Variants in USP12 observed in about 807,000 individuals in gnomAD.
USP12 encodes ubiquitin carboxyl-terminal hydrolase 12.
Under a neutral mutation model 45.5 loss-of-function variants are expected in USP12, and 19 were observed. The observed-to-expected ratio is 0.42, with a 90% CI of 0.29 to 0.61. USP12 has a LOEUF of 0.61. Ranked by LOEUF, USP12 falls within the 20% of genes least tolerant of loss-of-function variation. The probability of loss-of-function intolerance (pLI) is 0.22; values close to 1 mark genes in which losing one functional copy is unlikely to be tolerated. For missense variants in USP12, 242 were observed against 447.7 expected (o/e 0.54, Z 4.15); for synonymous variants, 149 against 148.8 (o/e 1.00, Z -0.01).
At chr13:27,111,749 T>C (rs1182217597) in intron 2 of USP12, among the ~76,000 whole-genome samples, 2 of 152,198 alleles carry the variant, frequency 1.3e-5, no homozygotes, top group African/African-American at 4.8e-5. Flanking sequence ...ATTTTAGATG[T>C]TTGTCTTATT....
intron 6 of USP12, among the ~76,000 whole-genome samples, chr13:27,088,981 C>A (rs1268551881): frequency 6.6e-6 from 1 of 151,976 alleles, no homozygotes; most frequent in Non-Finnish European, 1.5e-5. Flanking sequence ...AGATACATAA[C>A]CTGAATCTAA....
At chr13:27,104,274 A>C (rs1875023889) in intron 3 of USP12, among the ~76,000 whole-genome samples, 1 of 152,170 alleles carries the variant, frequency 6.6e-6, no homozygotes, top group African/African-American at 2.4e-5. Context: ...CAAGCAGTCC[A>C]CCTACCTTGG....
At chr13:27,139,386 C>T (rs1429356001) in intron 1 of USP12, among the ~76,000 whole-genome samples, 2 of 152,090 alleles carry the variant, frequency 1.3e-5, no homozygotes, top group African/African-American at 4.8e-5. Context: ...AAGGCGGAGG[C>T]GGGAGGATCA....
intron 2 of USP12, among the ~76,000 whole-genome samples, chr13:27,110,749 C>G (rs1467901207): frequency 1.3e-5 from 2 of 152,098 alleles, no homozygotes; most frequent in Non-Finnish European, 2.9e-5. Flanking sequence ...TACCCAGTAT[C>G]CAGTATAAAT....
chr13:27,136,299 A>G (rs1321335845), intron 1 of USP12, among the ~76,000 whole-genome samples: 1 of 152,192 alleles, frequency 6.6e-6, no homozygotes, highest in Non-Finnish European at 1.5e-5. Context: ...GGAATTCGAG[A>G]CCAGCCTGGC....
intron 1 of USP12, among the ~76,000 whole-genome samples, chr13:27,164,580 C>G (rs1878268396): frequency 6.6e-6 from 1 of 150,712 alleles, no homozygotes; most frequent in Non-Finnish European, 1.5e-5. Context: ...AAAGCAAAGA[C>G]TTACTAGTTT....
chr13:27,120,482 A>G (rs972636863), intron 1 of USP12, among the ~76,000 whole-genome samples: 2 of 152,028 alleles, frequency 1.3e-5, no homozygotes, highest in South Asian at 2.1e-4. Context: ...GTGAAACCCC[A>G]TCTCTATTAA....
At chr13:27,139,477 A>G (rs981696323) in intron 1 of USP12, among the ~76,000 whole-genome samples, 7 of 152,132 alleles carry the variant, frequency 4.6e-5, no homozygotes, top group Non-Finnish European at 8.8e-5. Flanking sequence ...TCAGCTGGGC[A>G]TGGGGCTGTG....
intron 1 of USP12, chr13:27,117,702 G>T: frequency 1.9e-6 from 1 of 518,174 alleles, no homozygotes; most frequent in Non-Finnish European, 3.9e-6. Context: ...GCTGGAAGAG[G>T]GATGGACCAT....
chr13:27,124,565 T>C (rs979881819), intron 1 of USP12, among the ~76,000 whole-genome samples: 3 of 152,218 alleles, frequency 2.0e-5, no homozygotes, highest in Non-Finnish European at 4.4e-5. Context: ...ATGCAGCATG[T>C]ATCATTTTAA....
intron 6 of USP12, among the ~76,000 whole-genome samples, chr13:27,075,595 CATT>C (rs1431099894): frequency 6.6e-6 from 1 of 152,136 alleles, no homozygotes; most frequent in Non-Finnish European, 1.5e-5. Context: ...CCCTACCCAT[CATT>C]GTCACACCAC....
intron 1 of USP12, among the ~76,000 whole-genome samples, chr13:27,145,017 C>T (rs1032223095): frequency 1.3e-5 from 2 of 152,142 alleles, no homozygotes; most frequent in Admixed American, 6.5e-5. Context: ...CAGTGAGCCA[C>T]GATCGCACCA....
intron 1 of USP12, chr13:27,169,999 A>C: frequency 4.1e-6 from 1 of 241,234 alleles, no homozygotes; most frequent in Non-Finnish European, 7.9e-6. Flanking sequence ...CCATGTGGCA[A>C]AATTGTCACT....
intron 6 of USP12, among the ~76,000 whole-genome samples, chr13:27,085,760 T>C (rs561586770): frequency 6.6e-6 from 1 of 152,220 alleles, no homozygotes; most frequent in African/African-American, 2.4e-5. Context: ...AATATGTGTA[T>C]ATACACACAA....
At chr13:27,156,843 A>G (rs1302095886) in intron 1 of USP12, among the ~76,000 whole-genome samples, 1 of 141,612 alleles carries the variant, frequency 7.1e-6, no homozygotes, top group Admixed American at 6.9e-5. Context: ...AGAGAGAGAG[A>G]GAAAAAATGA....
At chr13:27,093,185 CA>C (rs879397038) in intron 4 of USP12, among the ~76,000 whole-genome samples, 44 of 130,378 alleles carry the variant, frequency 3.4e-4, no homozygotes, top group Non-Finnish European at 3.3e-4. Flanking sequence ...AACTCCATCT[CA>C]AAAAAAAAAA....
intron 6 of USP12, among the ~76,000 whole-genome samples, chr13:27,081,603 C>CT: frequency 6.6e-6 from 1 of 152,330 alleles, no homozygotes; most frequent in African/African-American, 2.4e-5. Context: ...CACAAATATT[C>CT]TAATGGCACC....
intron 2 of USP12, among the ~76,000 whole-genome samples, chr13:27,115,589 T>C (rs1875691850): frequency 6.6e-6 from 1 of 152,168 alleles, no homozygotes; most frequent in South Asian, 2.1e-4. Context: ...AGTACAACAG[T>C]ATAAAATAAA....
chr13:27,130,140 A>C (rs1280722765), intron 1 of USP12, among the ~76,000 whole-genome samples: 3 of 152,150 alleles, frequency 2.0e-5, no homozygotes, highest in Non-Finnish European at 4.4e-5. Context: ...GCAGCTGCCT[A>C]GTAACAGGGC....
Sources: gnomAD v4.1 joint callset for allele counts (sites outside exome capture counted in the v4.1 genomes callset) on GRCh38, gnomAD v4.1.1 for gene constraint, MANE v1.5 for transcripts, NCBI Gene and HGNC (gene_info 2026-07-23, HGNC 2026-07-21) for gene names.